Variants in CWC27 observed in about 807,000 individuals in gnomAD.
The protein encoded by CWC27 is CWC27 spliceosome associated cyclophilin, also known as spliceosome-associated protein CWC27 homolog.
In CWC27, 47 loss-of-function variants were observed where a neutral mutation model predicts 63.6. The observed-to-expected ratio is 0.74, with a 90% CI of 0.58 to 0.94. The LOEUF (loss-of-function observed/expected upper bound fraction) is 0.94. CWC27 is among the 40% of genes least tolerant of loss of function. CWC27 has a pLI of 0.00. For synonymous variants in CWC27, 175 were observed against 179.8 expected (o/e 0.97, Z 0.22); for missense variants, 495 against 554.3 (o/e 0.89, Z 1.07).
intron 10 of CWC27, among the ~76,000 whole-genome samples, chr5:64,869,150 G>A (rs1746604481): frequency 6.6e-6 from 1 of 151,830 alleles, no homozygotes; most frequent in African/African-American, 2.4e-5. Context: ...AAAATTAAGG[G>A]CAAATACTGA....
rs532376368 is a variant in CWC27 at position 64,986,685 on chromosome 5, GC to G, written c.1256+9455del. ...ACCTGATGCTTTTTGTTTTATCAGA[GC>G]CCCCCCCGGACTGGGCCCCCAGGAG... is the stretch of plus-strand genomic sequence containing the variant. On this transcript the variant is annotated intron_variant, in intron 13 of 13. Coordinates refer to ENST00000381070, the MANE Select transcript of CWC27 (RefSeq NM_005869.4). Among the ~76,000 whole-genome samples the G allele has an allele frequency of 7.3e-5, 11 of 151,216 alleles. No homozygotes were observed. The East Asian group carries it at 1.4e-3, about 19-fold the overall frequency.
At chr5:64,936,920 G>T (rs536942586) in intron 11 of CWC27, among the ~76,000 whole-genome samples, 8 of 152,116 alleles carry the variant, frequency 5.3e-5, no homozygotes, top group Non-Finnish European at 1.2e-4. Context: ...ATGGTAGTTT[G>T]TATTTCTGTG....
intron 10 of CWC27, among the ~76,000 whole-genome samples, chr5:64,859,169 C>T (rs1317186290): frequency 1.3e-5 from 2 of 152,058 alleles, no homozygotes; most frequent in East Asian, 3.9e-4. Context: ...TTAAAAAGAA[C>T]ATAGTGCATG....
intron 10 of CWC27, among the ~76,000 whole-genome samples, chr5:64,856,417 T>A (rs1342612806): frequency 6.6e-6 from 1 of 151,900 alleles, no homozygotes; most frequent in Non-Finnish European, 1.5e-5. Flanking sequence ...TTGAGAGTTG[T>A]TATTCCACTT....
At chr5:65,014,346 AGC>A (rs1241675105) in intron 13 of CWC27, among the ~76,000 whole-genome samples, 1 of 148,070 alleles carries the variant, frequency 6.8e-6, no homozygotes, top group Admixed American at 6.8e-5. Flanking sequence ...TATAATATAT[AGC>A]TATATATTAT....
At chr5:64,785,743 T>C (rs2112170504) in intron 5 of CWC27, among the ~76,000 whole-genome samples, 164 bp downstream of exon 5, 1 of 152,346 alleles carries the variant, frequency 6.6e-6, no homozygotes, top group South Asian at 2.1e-4. Flanking sequence ...TAAGAATTTT[T>C]TTAATTAAAG....
intron 10 of CWC27, among the ~76,000 whole-genome samples, chr5:64,871,739 A>G (rs530032979): frequency 2.1e-4 from 32 of 152,282 alleles, no homozygotes; most frequent in African/African-American, 7.2e-4. Context: ...AGCAAATCAC[A>G]GAGCCCCAAG....
intron 11 of CWC27, among the ~76,000 whole-genome samples, chr5:64,908,866 G>A (rs934983879): frequency 6.6e-6 from 1 of 152,106 alleles, no homozygotes; most frequent in Non-Finnish European, 1.5e-5. Context: ...TTTAATTGGG[G>A]CATTTAGCCC....
chr5:64,810,072 G>A (rs1744823633), intron 10 of CWC27, among the ~76,000 whole-genome samples: 1 of 151,758 alleles, frequency 6.6e-6, no homozygotes. Flanking sequence ...GTTGAGTTTT[G>A]CTTATAGTTT....
At chr5:64,850,907 G>T (rs1433655449) in intron 10 of CWC27, among the ~76,000 whole-genome samples, 1 of 152,004 alleles carries the variant, frequency 6.6e-6, no homozygotes, top group Non-Finnish European at 1.5e-5. Context: ...AAAGTAAAGT[G>T]TTGGCAAGGA....
intron 13 of CWC27, among the ~76,000 whole-genome samples, chr5:64,999,459 T>C (rs1434652743): frequency 1.3e-5 from 2 of 152,100 alleles, no homozygotes; most frequent in African/African-American, 4.8e-5. Context: ...GGTATGTTTG[T>C]ATCCATTAAC....
At chr5:64,898,994 C>T (rs1326335499) in intron 11 of CWC27, among the ~76,000 whole-genome samples, 1 of 152,168 alleles carries the variant, frequency 6.6e-6, no homozygotes, top group East Asian at 1.9e-4. Flanking sequence ...ACTGAAATCA[C>T]ATGGCCATAC....
intron 11 of CWC27, among the ~76,000 whole-genome samples, chr5:64,940,842 C>CTTTTTTTTTTTT (rs70983655): frequency 7.4e-4 from 48 of 64,980 alleles, no homozygotes; most frequent in East Asian, 1.8e-3. Context: ...TTCTTTCTTT[C>CTTTTTTTTTTTT]TTTTTTTTTT....
At chr5:64,906,587 T>C (rs1294269907) in intron 11 of CWC27, among the ~76,000 whole-genome samples, 1 of 152,206 alleles carries the variant, frequency 6.6e-6, no homozygotes, top group Non-Finnish European at 1.5e-5. Flanking sequence ...GTCAAATGGA[T>C]AGATTGCAAA....
chr5:64,971,486 A>G (rs1749124163), intron 11 of CWC27, among the ~76,000 whole-genome samples: 1 of 152,216 alleles, frequency 6.6e-6, no homozygotes, highest in Non-Finnish European at 1.5e-5. Context: ...GTGTATAGTA[A>G]ATATATGTAT....
chr5:64,809,257 T>G (rs1459350472), intron 10 of CWC27, among the ~76,000 whole-genome samples: 1 of 152,252 alleles, frequency 6.6e-6, no homozygotes, highest in African/African-American at 2.4e-5. Flanking sequence ...ATTAACGTAT[T>G]TATCCACTTC....
intron 11 of CWC27, among the ~76,000 whole-genome samples, chr5:64,961,558 A>AT (rs1172644151): frequency 6.6e-6 from 1 of 152,164 alleles, no homozygotes; most frequent in African/African-American, 2.4e-5. Context: ...TGTAAGTGAT[A>AT]TTTTTCATGT....
intron 9 of CWC27, among the ~76,000 whole-genome samples, chr5:64,803,016 G>C (rs1744540550): frequency 6.6e-6 from 1 of 152,116 alleles, no homozygotes; most frequent in Non-Finnish European, 1.5e-5. Flanking sequence ...GCCTAGGTTG[G>C]TGGTTGTCAC....
intron 10 of CWC27, among the ~76,000 whole-genome samples, chr5:64,816,025 A>C (rs1282447781): frequency 6.6e-6 from 1 of 152,190 alleles, no homozygotes; most frequent in African/African-American, 2.4e-5. Flanking sequence ...GTTGTCAGGA[A>C]GTTACATTTT....
Sources: allele counts gnomAD v4.1 joint callset (sites outside exome capture counted in the v4.1 genomes callset), GRCh38; gene constraint gnomAD v4.1.1; transcripts MANE v1.5; gene names NCBI Gene and HGNC (gene_info 2026-07-23, HGNC 2026-07-21).